Variants in CLSTN1 observed in about 807,000 individuals in gnomAD.
CLSTN1 encodes the protein calsyntenin 1.
A neutral mutation model predicts 108.3 loss-of-function variants in CLSTN1; 28 were observed. The ratio of observed to expected loss-of-function variants is 0.26; its 90% CI spans 0.19 to 0.35. The LOEUF (loss-of-function observed/expected upper bound fraction) is 0.35. CLSTN1 is among the 10% of genes least tolerant of loss of function. The pLI, the probability that CLSTN1 is intolerant of heterozygous loss-of-function variation, is 1.00. For synonymous variants in CLSTN1, 524 were observed against 534.9 expected (o/e 0.98, Z 0.28); for missense variants, 1,157 against 1,302.6 (o/e 0.89, Z 1.72).
intron 1 of CLSTN1, among the ~76,000 whole-genome samples, chr1:9,779,023 CAAA>C (rs70998309): frequency 5.9e-5 from 6 of 102,152 alleles, no homozygotes; most frequent in African/African-American, 7.3e-5. Flanking sequence ...GACTTCGTCT[CAAA>C]AAAAAAAAAA....
chr1:9,773,745 A>AT (rs567681007), intron 1 of CLSTN1, among the ~76,000 whole-genome samples: 84 of 152,128 alleles, frequency 5.5e-4, no homozygotes, highest in African/African-American at 1.9e-3. Flanking sequence ...CTTCTTTATG[A>AT]TTTTTTGAGA....
intron 4 of CLSTN1, among the ~76,000 whole-genome samples, chr1:9,754,736 T>C (rs1651728223): frequency 6.6e-6 from 1 of 152,120 alleles, no homozygotes. Flanking sequence ...ATGCCTGTAA[T>C]CCCAGCTATG....
chr1:9,780,413 G>A (rs1653187031), intron 1 of CLSTN1, among the ~76,000 whole-genome samples: 1 of 152,160 alleles, frequency 6.6e-6, no homozygotes, highest in African/African-American at 2.4e-5. Context: ...CCCATGATGA[G>A]TAGTAACGTA....
chr1:9,782,151 T>G (rs966069293), intron 1 of CLSTN1, among the ~76,000 whole-genome samples: 5 of 152,228 alleles, frequency 3.3e-5, no homozygotes, highest in African/African-American at 1.2e-4. Context: ...CAGCTAATAA[T>G]GTGAACCAGG....
intron 15 of CLSTN1, 34 bp from the exon 16 acceptor site, chr1:9,733,580 G>A: frequency 6.2e-7 from 1 of 1,612,338 alleles, no homozygotes; most frequent in Non-Finnish European, 8.5e-7. Context: ...ATTGCCGGGT[G>A]GCTTAGGGCA....
Position 9,734,934 on chromosome 1 carries a change from AC to A in CLSTN1, c.2110+13del. On this transcript the variant is annotated intron_variant, in intron 14 of 18. Coordinates refer to ENST00000377298, the MANE Select transcript of CLSTN1 (RefSeq NM_001009566.3). This position sits in a 1 kb window ranked among gnomAD's most constrained non-coding sequence, Gnocchi z 4.8. ...GCCGAGGCGAGGGAGCCCGCGCCCC[AC>A]AGAGCACATTACCTGTGGGGTCCTC... 2 of 1,611,664 alleles carry A rather than the reference AC, an allele frequency of 1.2e-6. No individual in the cohort carries two copies. Among genetic ancestry groups the A allele is most frequent in the Non-Finnish European group, 1.7e-6 (2 of 1,177,884 alleles).
intron 1 of CLSTN1, among the ~76,000 whole-genome samples, chr1:9,804,701 G>C (rs1301670914): frequency 6.6e-6 from 1 of 152,028 alleles, no homozygotes; most frequent in Non-Finnish European, 1.5e-5. Flanking sequence ...AAAATTTCAG[G>C]CAGGCATGTA....
intron 2 of CLSTN1, among the ~76,000 whole-genome samples, chr1:9,760,293 T>C (rs1428311984): frequency 1.3e-5 from 2 of 152,244 alleles, no homozygotes; most frequent in East Asian, 3.9e-4. Flanking sequence ...ACTCGCCAGG[T>C]TGGTAGTTCA....
chr1:9,743,925 T>C lies in CLSTN1; in HGVS notation c.1315A>G (p.Lys439Glu). The C allele has an allele frequency of 6.2e-7, 1 of 1,614,016 alleles. No homozygotes were observed. Among genetic ancestry groups the C allele is most frequent in the Non-Finnish European group, 8.5e-7 (1 of 1,180,008 alleles). Residue 439 changes from lysine to glutamate, a missense_variant, in exon 9 of 19, where the codon AAG (lysine) becomes GAG (glutamate). Coordinates refer to ENST00000377298, the MANE Select transcript of CLSTN1 (RefSeq NM_001009566.3). ...FLFRQDPSEE[K>E]KYRPAEFHWK... is the part of the protein sequence containing the mutation. ...TGGAACTCTGCAGGTCTGTATTTCTTCTCCTCAGAAGGATCCTGACGGAAG... is the reference window on the plus strand; with the variant it reads ...TGGAACTCTGCAGGTCTGTATTTCTCCTCCTCAGAAGGATCCTGACGGAAG...
chr1:9,732,660 C>T (rs1378051913), intron 16 of CLSTN1, among the ~76,000 whole-genome samples: 2 of 152,252 alleles, frequency 1.3e-5, no homozygotes, highest in Admixed American at 6.5e-5. Flanking sequence ...AGAGCCTGAG[C>T]GATGAAGCAG....
At chr1:9,739,066 G>A (rs1650841435) in intron 10 of CLSTN1, among the ~76,000 whole-genome samples, 1 of 152,208 alleles carries the variant, frequency 6.6e-6, no homozygotes, top group Non-Finnish European at 1.5e-5. Context: ...AGAGTCCAGT[G>A]CAAGGGTCAA....
chr1:9,760,532 T>C lies in CLSTN1; in HGVS notation c.215-4022A>G, dbSNP rs546942016. 8.5e-5 allele frequency among the ~76,000 whole-genome samples: 13 copies of C among 152,104 alleles called. No homozygotes were observed. The South Asian group carries it at 1.7e-3, about 19-fold the overall frequency. ...GGCTACCACAGTACCTCTGATGAGA[T>C]ACAATGAGGGCTGAACTAGGCACTG... On this transcript the variant is annotated intron_variant, in intron 2 of 18. Coordinates refer to ENST00000377298, the MANE Select transcript of CLSTN1 (RefSeq NM_001009566.3).
intron 4 of CLSTN1, among the ~76,000 whole-genome samples, chr1:9,752,833 G>T (rs571589662): frequency 1.3e-3 from 194 of 152,232 alleles, no homozygotes; most frequent in African/African-American, 4.3e-3. Context: ...CCGCACTCCA[G>T]CCTGGGTGAC....
intron 1 of CLSTN1, among the ~76,000 whole-genome samples, chr1:9,785,608 G>A (rs915302037): frequency 2.6e-5 from 4 of 152,102 alleles, no homozygotes; most frequent in Non-Finnish European, 4.4e-5. Context: ...CCACCAAGAT[G>A]TGCCAACCAG....
chr1:9,744,692 G>A lies in CLSTN1; in HGVS notation c.986-49C>T, dbSNP rs752115470. 15 of 1,554,030 alleles carry A rather than the reference G, an allele frequency of 9.7e-6. No individual in the cohort carries two copies. In the Admixed American group the frequency reaches 1.1e-4, roughly 12 times the overall value. ...ACTCATGTGAGGAGCCAGAGGTCCC[G>A]CGCACCTCAAGCCCCCAGGCACGTG... On this transcript the variant is annotated intron_variant, in intron 7 of 18. Transcript: ENST00000377298.
chr1:9,778,150 A>G (rs1375978060), intron 1 of CLSTN1, among the ~76,000 whole-genome samples: 1 of 151,948 alleles, frequency 6.6e-6, no homozygotes, highest in African/African-American at 2.4e-5. Flanking sequence ...ACAGTTCATT[A>G]CATATAAAAT....
chr1:9,764,637 T>TAAAAAAAAAAAA (rs70998307), intron 2 of CLSTN1, among the ~76,000 whole-genome samples: 37 of 82,328 alleles, frequency 4.5e-4, no homozygotes, highest in Non-Finnish European at 8.0e-4. Context: ...GCTCCATCTT[T>TAAAAAAAAAAAA]AAAAAAAAAA....
At chr1:9,800,863 T>A (rs1386282416) in intron 1 of CLSTN1, among the ~76,000 whole-genome samples, 2 of 151,382 alleles carry the variant, frequency 1.3e-5, no homozygotes, top group Admixed American at 6.6e-5. Flanking sequence ...AGCTGGAACC[T>A]GGGAGGCGGA....
chr1:9,733,845 G>A (rs1332322717), intron 15 of CLSTN1, 127 bp downstream of exon 15: 27 of 995,048 alleles, frequency 2.7e-5, no homozygotes, highest in East Asian at 9.8e-5. Flanking sequence ...CCCAGCGAAC[G>A]TGCTCCTTCC....
Sources: allele counts gnomAD v4.1 joint callset (sites outside exome capture counted in the v4.1 genomes callset), GRCh38; gene constraint gnomAD v4.1.1; non-coding constraint Gnocchi (gnomAD v3.1); transcripts MANE v1.5; gene names NCBI Gene and HGNC (gene_info 2026-07-23, HGNC 2026-07-21).